Variants in USP6NL observed in about 807,000 individuals in gnomAD.
USP6NL encodes the protein USP6 N-terminal like, also known as USP6 N-terminal-like protein.
USP6NL carries 26 observed loss-of-function variants against 61.9 expected under a neutral mutation model. That is an observed-to-expected ratio of 0.42 (90% confidence interval 0.31 to 0.58). USP6NL has a LOEUF of 0.58. Among genes scored for constraint, USP6NL ranks in the 20% least tolerant of loss-of-function variants. The pLI is 0.16. For missense variants in USP6NL, 1,114 were observed against 1,034.3 expected, an observed-to-expected ratio of 1.08 and a Z score of -1.06; for synonymous variants, 432 against 390.1, an observed-to-expected ratio of 1.11 and a Z score of -1.27.
chr10:11,586,662 T>C (rs191904513), intron 2 of USP6NL, among the ~76,000 whole-genome samples: 92 of 152,234 alleles, frequency 6.0e-4, no homozygotes, highest in African/African-American at 2.2e-3. Flanking sequence ...TTTTCCCCCA[T>C]TTTCAAAATA....
At chr10:11,539,094 G>A (rs946657895) in intron 2 of USP6NL, among the ~76,000 whole-genome samples, 4 of 152,202 alleles carry the variant, frequency 2.6e-5, no homozygotes, top group African/African-American at 9.6e-5. Flanking sequence ...TCAATGGTCT[G>A]AAAGAAGCAC....
In USP6NL at chr10:11,463,611, C is replaced by G. The variant is rs372189438; in HGVS notation, c.1317G>C (p.Glu439Asp). The G allele has an allele frequency of 9.9e-6, 16 of 1,613,850 alleles. No homozygotes were observed. The highest frequency in any genetic ancestry group is 1.7e-5 in the Admixed American group (1 of 60,004). The change falls in exon 15 of 15, where the codon GAG becomes GAC. Residue 439 changes from glutamate to aspartate, a missense_variant. Coordinates refer to ENST00000609104, the MANE Select transcript of USP6NL (RefSeq NM_014688.5). The surrounding 1 kb of genome is among the most constrained non-coding windows in gnomAD (Gnocchi z 6.3). ...QPPRRKSVEEESKKLKDEADF... is the reference protein window; with the variant it reads ...QPPRRKSVEEDSKKLKDEADF... The stretch of plus-strand genomic sequence containing the variant: ...CTGCCTCATCTTTAAGCTTTTTGCT[C>G]TCCTCCTCCACCGATTTCCGTCTTG...
At chr10:11,506,138 T>A (rs982229256) in intron 6 of USP6NL, among the ~76,000 whole-genome samples, 2 of 152,202 alleles carry the variant, frequency 1.3e-5, no homozygotes, top group Non-Finnish European at 2.9e-5. Flanking sequence ...AGAAATTTAT[T>A]TCTAGGCAAT....
At chr10:11,567,679 A>T (rs2133558116) in intron 2 of USP6NL, among the ~76,000 whole-genome samples, 1 of 152,328 alleles carries the variant, frequency 6.6e-6, no homozygotes, top group African/African-American at 2.4e-5. Flanking sequence ...TTAGCCATCT[A>T]AGAGATCAGA....
chr10:11,469,448 G>C (rs140709946), intron 14 of USP6NL, among the ~76,000 whole-genome samples: 62 of 152,308 alleles, frequency 4.1e-4, no homozygotes, highest in East Asian at 2.3e-3. Flanking sequence ...CAGGGTTCGG[G>C]GGGGAAGAAA....
intron 2 of USP6NL, among the ~76,000 whole-genome samples, chr10:11,567,478 C>T (rs1837206260): frequency 6.6e-6 from 1 of 152,132 alleles, no homozygotes; most frequent in Non-Finnish European, 1.5e-5. Context: ...TAACTCTACC[C>T]ACAACATACA....
chr10:11,487,973 C>T lies in USP6NL; in HGVS notation c.664+1129G>A, dbSNP rs1833542584. On this transcript the variant is annotated intron_variant, in intron 10 of 14. Transcript: ENST00000609104. The surrounding 1 kb of genome is among the most constrained non-coding windows in gnomAD (Gnocchi z 4.2). ...ATTCACAAACTGAACTTGGAAGATC[C>T]ATTCTTAGAATAACTAGTGTTAAAA... 6.6e-6 allele frequency among the ~76,000 whole-genome samples: 1 copy of T among 152,206 alleles called. No individual in the cohort carries two copies. Among genetic ancestry groups the T allele is most frequent in the South Asian group, 2.1e-4 (1 of 4,828 alleles).
intron 2 of USP6NL, among the ~76,000 whole-genome samples, chr10:11,531,138 C>T (rs1042019356): frequency 3.3e-5 from 5 of 152,116 alleles, no homozygotes; most frequent in Non-Finnish European, 7.3e-5. Flanking sequence ...GCTCTCGTTG[C>T]ATGACAAATC....
rs986009469 is a variant in USP6NL, at chr10:11,572,491, TA to T, written c.4+25139del. ...TACCACATTCTTCCACAAAATGAAA[TA>T]AAAAAAAAAAGACAAGATGTCTAAG... On this transcript the variant is annotated intron_variant, in intron 2 of 14. Transcript: ENST00000609104. Among the ~76,000 whole-genome samples the T allele has an allele frequency of 5.1e-4, 74 of 144,194 alleles. 1 individual carries two copies. The highest frequency in any genetic ancestry group is 9.9e-4 in the East Asian group (5 of 5,054). 94.6% of individuals were successfully genotyped at this position (144,194 alleles called of 152,430 possible). A position where few individuals can be genotyped will look rare whatever the true frequency, so the allele number is the denominator to read the frequency against.
At chr10:11,594,390 C>G (rs1838257203) in intron 2 of USP6NL, among the ~76,000 whole-genome samples, 1 of 152,214 alleles carries the variant, frequency 6.6e-6, no homozygotes, top group South Asian at 2.1e-4. Flanking sequence ...TAACCGACAT[C>G]TAACAAAATA....
At chr10:11,605,691 T>C (rs1041376228) in intron 1 of USP6NL, among the ~76,000 whole-genome samples, 1 of 152,042 alleles carries the variant, frequency 6.6e-6, no homozygotes, top group East Asian at 1.9e-4. Flanking sequence ...ACTGAAAGTC[T>C]AAATAAAAAT....
At chr10:11,497,495 G>T (rs1310302277) in intron 7 of USP6NL, among the ~76,000 whole-genome samples, 1 of 151,678 alleles carries the variant, frequency 6.6e-6, no homozygotes, top group African/African-American at 2.4e-5. Flanking sequence ...AGGCTTCCTT[G>T]TAAAAGATGA....
At chr10:11,565,569 G>C (rs1837112021) in intron 2 of USP6NL, 1 of 152,056 alleles carries the variant, frequency 6.6e-6, no homozygotes, top group African/African-American at 2.4e-5. Flanking sequence ...GTCAACCTAG[G>C]AGGCGGAGCT....
intron 2 of USP6NL, among the ~76,000 whole-genome samples, chr10:11,533,712 C>A (rs1327204660): frequency 6.6e-6 from 1 of 152,210 alleles, no homozygotes; most frequent in African/African-American, 2.4e-5. Context: ...TTCTGACCTC[C>A]AGAACCCATT....
chr10:11,606,675 T>A (rs1838714752), intron 1 of USP6NL, among the ~76,000 whole-genome samples: 1 of 152,038 alleles, frequency 6.6e-6, no homozygotes, highest in South Asian at 2.1e-4. Context: ...AGTACAAGAA[T>A]ATGTAATCCC....
chr10:11,478,000 T>C (rs1833039162), intron 14 of USP6NL, among the ~76,000 whole-genome samples: 1 of 152,214 alleles, frequency 6.6e-6, no homozygotes, highest in African/African-American at 2.4e-5. Flanking sequence ...CTATTATTTG[T>C]TGAAGATAAG....
chr10:11,582,421 G>A (rs1209039548), intron 2 of USP6NL, among the ~76,000 whole-genome samples: 1 of 152,100 alleles, frequency 6.6e-6, no homozygotes, highest in Non-Finnish European at 1.5e-5. Context: ...TTTTAAAGGA[G>A]GAAAAATATA....
At chr10:11,579,304 T>TTA (rs1234392891) in intron 2 of USP6NL, among the ~76,000 whole-genome samples, 4 of 152,206 alleles carry the variant, frequency 2.6e-5, no homozygotes, top group African/African-American at 9.7e-5. Context: ...AACCACAAAT[T>TTA]GATAATCACT....
rs1438995206 is a variant in USP6NL at position 11,496,204 on chromosome 10, G to A, written c.385-2976C>T. Among the ~76,000 whole-genome samples, 1 of 152,242 alleles carries A rather than the reference G, an allele frequency of 6.6e-6. No homozygotes were observed. The highest frequency in any genetic ancestry group is 2.4e-5 in the African/African-American group (1 of 41,462). On this transcript the variant is annotated intron_variant, in intron 7 of 14. Coordinates refer to ENST00000609104, the MANE Select transcript of USP6NL (RefSeq NM_014688.5). The surrounding 1 kb of genome is among the most constrained non-coding windows in gnomAD (Gnocchi z 5.4). Reference sequence around the variant, plus strand: ...ATCCTCGCCAAATAACAAACCTCCAGTCTTGGGCTAGCACTGAGGGAGCTA... The same window carrying A: ...ATCCTCGCCAAATAACAAACCTCCAATCTTGGGCTAGCACTGAGGGAGCTA...
Sources: allele counts gnomAD v4.1 joint callset (sites outside exome capture counted in the v4.1 genomes callset), GRCh38; gene constraint gnomAD v4.1.1; non-coding constraint Gnocchi (gnomAD v3.1); transcripts MANE v1.5; gene names NCBI Gene and HGNC (gene_info 2026-07-23, HGNC 2026-07-21).